Variants in MIPOL1 observed in about 807,000 individuals in gnomAD.
The protein encoded by MIPOL1 is mirror-image polydactyly gene 1 protein.
Under a neutral mutation model 60.9 loss-of-function variants are expected in MIPOL1, and 57 were observed. That is an observed-to-expected ratio of 0.94 (90% CI 0.76 to 1.17). The LOEUF is 1.17. Among genes scored for constraint, MIPOL1 ranks in the 50% most tolerant of loss-of-function variants. The pLI, the probability that MIPOL1 is intolerant of heterozygous loss-of-function variation, is 0.00. For missense variants in MIPOL1, 551 were observed against 511.6 expected (o/e 1.08, Z -0.74); for synonymous variants, 179 against 168.8 (o/e 1.06, Z -0.47).
intron 11 of MIPOL1, among the ~76,000 whole-genome samples, chr14:37,429,567 A>T (rs895900586): frequency 3.9e-5 from 6 of 152,132 alleles, no homozygotes; most frequent in African/African-American, 1.4e-4. Flanking sequence ...TGAAATACTT[A>T]CGTGTTTAAC....
chr14:37,320,027 C>T (rs1184664387), intron 9 of MIPOL1, among the ~76,000 whole-genome samples: 1 of 151,920 alleles, frequency 6.6e-6, no homozygotes, highest in Non-Finnish European at 1.5e-5. Flanking sequence ...GTGAATATGC[C>T]ATGATTTATT....
intron 10 of MIPOL1, among the ~76,000 whole-genome samples, chr14:37,405,837 T>G: frequency 6.6e-6 from 1 of 152,002 alleles, no homozygotes; most frequent in South Asian, 2.1e-4. Flanking sequence ...TTGCTAATTT[T>G]TCTCCAATTT....
chr14:37,379,457 G>A (rs1305523785), intron 10 of MIPOL1, among the ~76,000 whole-genome samples: 1 of 151,998 alleles, frequency 6.6e-6, no homozygotes, highest in Non-Finnish European at 1.5e-5. Flanking sequence ...CTAAAAAACA[G>A]TTAAGCTGGG....
chr14:37,418,799 G>A (rs1003814623), intron 10 of MIPOL1, among the ~76,000 whole-genome samples: 3 of 152,010 alleles, frequency 2.0e-5, no homozygotes, highest in African/African-American at 2.4e-5. Context: ...CTAACTGATA[G>A]TAGGTGGTCA....
intron 11 of MIPOL1, among the ~76,000 whole-genome samples, chr14:37,498,698 G>A (rs766574330): frequency 1.2e-4 from 18 of 152,164 alleles, no homozygotes; most frequent in South Asian, 4.2e-4. Context: ...GTTGACCAGC[G>A]CTTAGTAACA....
chr14:37,290,143 A>C (rs956924521), intron 7 of MIPOL1, among the ~76,000 whole-genome samples: 1 of 152,176 alleles, frequency 6.6e-6, no homozygotes, highest in Non-Finnish European at 1.5e-5. Context: ...CATTGTAAAA[A>C]TGTTACTCGC....
intron 10 of MIPOL1, among the ~76,000 whole-genome samples, chr14:37,416,774 C>G (rs1056613856): frequency 1.3e-5 from 2 of 152,112 alleles, no homozygotes; most frequent in Non-Finnish European, 2.9e-5. Flanking sequence ...AACAGCAAGA[C>G]CTCTCAGGGA....
chr14:37,256,439 A>G lies in MIPOL1; in HGVS notation c.19+8532A>G, dbSNP rs887012517. Among the ~76,000 whole-genome samples, 3 of 151,934 alleles carry G rather than the reference A, an allele frequency of 2.0e-5. No individual in the cohort carries two copies. The East Asian group carries it at 5.8e-4, about 29-fold the overall frequency. On this transcript the variant is annotated intron_variant, in intron 3 of 12. Coordinates refer to ENST00000684589, the MANE Select transcript of MIPOL1 (RefSeq NM_001388067.1). ...ATTATAAAAGTGGAAAGAAGTTATAATTTGAAAGAATTTCTATTTTAAGTA... is the reference window on the plus strand; with the variant it reads ...ATTATAAAAGTGGAAAGAAGTTATAGTTTGAAAGAATTTCTATTTTAAGTA...
intron 1 of MIPOL1, among the ~76,000 whole-genome samples, chr14:37,226,243 C>T (rs1008486745): frequency 1.3e-5 from 2 of 152,208 alleles, no homozygotes; most frequent in Non-Finnish European, 2.9e-5. Context: ...TCCACAGCAG[C>T]ACCCCACTCT....
At chr14:37,408,920 T>G (rs888075780) in intron 10 of MIPOL1, among the ~76,000 whole-genome samples, 1 of 152,258 alleles carries the variant, frequency 6.6e-6, no homozygotes, top group Admixed American at 6.5e-5. Flanking sequence ...AAATGAGAGT[T>G]GAACCAGAGG....
chr14:37,335,288 A>G (rs2090024412), intron 9 of MIPOL1, among the ~76,000 whole-genome samples: 2 of 152,104 alleles, frequency 1.3e-5, no homozygotes, highest in Non-Finnish European at 2.9e-5. Flanking sequence ...TATACATAAC[A>G]TAAAATTTAC....
intron 3 of MIPOL1, among the ~76,000 whole-genome samples, chr14:37,253,720 C>T (rs1053677334): frequency 2.0e-5 from 3 of 151,552 alleles, no homozygotes; most frequent in African/African-American, 7.3e-5. Context: ...TCTTCCAATA[C>T]AATGTTCAGA....
intron 9 of MIPOL1, among the ~76,000 whole-genome samples, chr14:37,342,485 C>T (rs1333430288): frequency 1.3e-5 from 2 of 151,738 alleles, no homozygotes; most frequent in Non-Finnish European, 2.9e-5. Context: ...GCAATCTCCA[C>T]CTCCTGGGTT....
intron 1 of MIPOL1, among the ~76,000 whole-genome samples, chr14:37,223,752 C>T (rs1298296647): frequency 6.6e-6 from 1 of 152,190 alleles, no homozygotes; most frequent in Non-Finnish European, 1.5e-5. Flanking sequence ...CTGCCCACCT[C>T]GGTCCCCCAG....
chr14:37,340,978 G>A (rs1343334733), intron 9 of MIPOL1, among the ~76,000 whole-genome samples: 8 of 151,908 alleles, frequency 5.3e-5, no homozygotes, highest in African/African-American at 1.5e-4. Flanking sequence ...ACTTAACATC[G>A]TGTTACACTT....
chr14:37,281,702 G>A (rs753713104), intron 6 of MIPOL1, among the ~76,000 whole-genome samples: 6 of 152,278 alleles, frequency 3.9e-5, no homozygotes, highest in Admixed American at 6.5e-5. Flanking sequence ...ACTGCACCTA[G>A]CCATCATGCT....
At chr14:37,293,059 G>A (rs982303937) in intron 7 of MIPOL1, among the ~76,000 whole-genome samples, 1 of 152,088 alleles carries the variant, frequency 6.6e-6, no homozygotes, top group East Asian at 1.9e-4. Context: ...ATTTGTTTCA[G>A]TATTGTAGTA....
intron 7 of MIPOL1, among the ~76,000 whole-genome samples, chr14:37,292,913 G>C (rs2085236814): frequency 6.6e-6 from 1 of 152,058 alleles, no homozygotes; most frequent in Non-Finnish European, 1.5e-5. Flanking sequence ...GACCTCTGTG[G>C]GACTGTATGC....
At chr14:37,254,402 T>TG (rs1190688032) in intron 3 of MIPOL1, among the ~76,000 whole-genome samples, 1 of 151,880 alleles carries the variant, frequency 6.6e-6, no homozygotes, top group Non-Finnish European at 1.5e-5. Flanking sequence ...CTAATATGAA[T>TG]AGTTCATGTT....
Sources: allele counts gnomAD v4.1 joint callset (sites outside exome capture counted in the v4.1 genomes callset), GRCh38; gene constraint gnomAD v4.1.1; transcripts MANE v1.5; gene names NCBI Gene and HGNC (gene_info 2026-07-23, HGNC 2026-07-21).